The following CSMD1 variants were observed in gnomAD, a reference collection of about 807,000 sequenced individuals.
The protein encoded by CSMD1 is CUB and Sushi multiple domains 1.
A neutral mutation model predicts 417.5 loss-of-function variants in CSMD1; 213 were observed. The ratio of observed to expected loss-of-function variants is 0.51; its 90% CI spans 0.46 to 0.57. CSMD1 has a LOEUF of 0.57. CSMD1 is among the 20% of genes least tolerant of loss of function. CSMD1 has a pLI of 0.00. For missense variants in CSMD1, 6,923 were observed against 4,529.7 expected, an observed-to-expected ratio of 1.53 and a Z score of -15.17; for synonymous variants, 2,862 against 1,736.8, an observed-to-expected ratio of 1.65 and a Z score of -16.11.
chr8:3,171,168 T>C (rs1563107504), intron 37 of CSMD1, among the ~76,000 whole-genome samples: 1 of 152,334 alleles, frequency 6.6e-6, no homozygotes, highest in East Asian at 1.9e-4. Flanking sequence ...TCAGATAGTG[T>C]TAAAAAGGCT....
intron 3 of CSMD1, among the ~76,000 whole-genome samples, chr8:4,366,842 A>G (rs977766177): frequency 6.6e-6 from 1 of 151,974 alleles, no homozygotes; most frequent in Non-Finnish European, 1.5e-5. Flanking sequence ...CTGCTTGTTT[A>G]TCTTCTTTTG....
chr8:4,445,305 C>T (rs182922032), intron 2 of CSMD1, among the ~76,000 whole-genome samples: 1 of 152,232 alleles, frequency 6.6e-6, no homozygotes, highest in Admixed American at 6.5e-5. Flanking sequence ...TTATATCTGC[C>T]TCATTAAATC....
At chr8:4,442,989 T>A (rs1367487618) in intron 2 of CSMD1, among the ~76,000 whole-genome samples, 1 of 152,178 alleles carries the variant, frequency 6.6e-6, no homozygotes, top group Non-Finnish European at 1.5e-5. Flanking sequence ...GTCATTGCTT[T>A]AACTCTTCCA....
At chr8:3,397,837 C>T (rs570626183) in intron 16 of CSMD1, among the ~76,000 whole-genome samples, 4 of 152,246 alleles carry the variant, frequency 2.6e-5, no homozygotes, top group African/African-American at 7.2e-5. Context: ...TAACACACAC[C>T]GCCTGGCAAT....
At chr8:2,983,374 G>C (rs1227595232) in intron 54 of CSMD1, among the ~76,000 whole-genome samples, 1 of 152,024 alleles carries the variant, frequency 6.6e-6, no homozygotes, top group African/African-American at 2.4e-5. Context: ...TTTTAGTAGA[G>C]ACAGAGTTTC....
At chr8:3,575,550 G>GTCT (rs1800116337) in intron 9 of CSMD1, among the ~76,000 whole-genome samples, 3 of 152,224 alleles carry the variant, frequency 2.0e-5, no homozygotes, top group South Asian at 2.1e-4. Context: ...AATAAATTGT[G>GTCT]TCTTTTCAAC....
intron 1 of CSMD1, among the ~76,000 whole-genome samples, chr8:4,729,941 T>A (rs1809734194): frequency 6.6e-6 from 1 of 152,186 alleles, no homozygotes; most frequent in South Asian, 2.1e-4. Flanking sequence ...TGGAATGACT[T>A]GTGCGCACAC....
At chr8:3,658,821 G>C (rs865967014) in intron 7 of CSMD1, among the ~76,000 whole-genome samples, 1 of 152,160 alleles carries the variant, frequency 6.6e-6, no homozygotes, top group East Asian at 1.9e-4. Context: ...CAACAATTTT[G>C]TTTGAATTAT....
chr8:4,867,799 T>C (rs1036842654), intron 1 of CSMD1, among the ~76,000 whole-genome samples: 3 of 152,078 alleles, frequency 2.0e-5, no homozygotes, highest in Non-Finnish European at 4.4e-5. Flanking sequence ...CTCTAATAAA[T>C]ACATTCATTT....
intron 7 of CSMD1, among the ~76,000 whole-genome samples, chr8:3,706,968 G>T (rs900287555): frequency 6.6e-6 from 1 of 152,008 alleles, no homozygotes; most frequent in African/African-American, 2.4e-5. Flanking sequence ...TCAATAGAAA[G>T]TGCCATGCAA....
chr8:3,742,584 G>A (rs567698414), intron 6 of CSMD1, among the ~76,000 whole-genome samples: 12 of 152,136 alleles, frequency 7.9e-5, no homozygotes, highest in East Asian at 5.8e-4. Flanking sequence ...CCTCTGCCCC[G>A]GGCCAGTAGT....
At chr8:3,808,116 A>T (rs946852394) in intron 5 of CSMD1, among the ~76,000 whole-genome samples, 2 of 152,142 alleles carry the variant, frequency 1.3e-5, no homozygotes, top group Non-Finnish European at 2.9e-5. Flanking sequence ...CAGCCACGTC[A>T]CTCAGGAATG....
At chr8:3,237,550 AAC>A (rs931831585) in intron 26 of CSMD1, among the ~76,000 whole-genome samples, 4 of 144,414 alleles carry the variant, frequency 2.8e-5, no homozygotes, top group African/African-American at 7.5e-5. Flanking sequence ...TTATATAAAT[AAC>A]ACAACTTTGC....
At chr8:3,962,568 C>T (rs143308436) in intron 5 of CSMD1, among the ~76,000 whole-genome samples, 5 of 152,052 alleles carry the variant, frequency 3.3e-5, no homozygotes, top group East Asian at 1.9e-4. Flanking sequence ...TGATTTCACA[C>T]GAGGAGTAAG....
At chr8:2,955,141 G>C (rs552954001) in intron 64 of CSMD1, among the ~76,000 whole-genome samples, 1 of 152,270 alleles carries the variant, frequency 6.6e-6, no homozygotes, top group South Asian at 2.1e-4. Context: ...ATAAACTGAG[G>C]TTTTACCACA....
intron 5 of CSMD1, among the ~76,000 whole-genome samples, chr8:3,824,847 C>A (rs529226092): frequency 6.6e-6 from 1 of 152,046 alleles, no homozygotes; most frequent in Non-Finnish European, 1.5e-5. Flanking sequence ...TAAAATGACA[C>A]AGGGTTTCAA....
chr8:3,225,204 T>A (rs761257649), intron 27 of CSMD1, among the ~76,000 whole-genome samples: 2 of 142,386 alleles, frequency 1.4e-5, no homozygotes, highest in South Asian at 2.2e-4. Context: ...AAAACTTAGC[T>A]TTTTATAGGA....
At chr8:3,453,172 A>AT (rs1321175236) in intron 12 of CSMD1, among the ~76,000 whole-genome samples, 2 of 152,018 alleles carry the variant, frequency 1.3e-5, no homozygotes, top group African/African-American at 4.8e-5. Flanking sequence ...TATCCCCTTC[A>AT]TTTTTTATTG....
intron 5 of CSMD1, among the ~76,000 whole-genome samples, chr8:3,980,729 C>A (rs548065320): frequency 1.3e-5 from 2 of 152,086 alleles, no homozygotes; most frequent in Non-Finnish European, 2.9e-5. Flanking sequence ...GTAAGAAGCC[C>A]CCACCCTTCT....
Sources: gnomAD v4.1 joint callset for allele counts (sites outside exome capture counted in the v4.1 genomes callset) on GRCh38, gnomAD v4.1.1 for gene constraint, MANE v1.5 for transcripts, NCBI Gene and HGNC (gene_info 2026-07-23, HGNC 2026-07-21) for gene names.